The following CD28 variants were observed in gnomAD, a reference collection of about 807,000 sequenced individuals.
CD28 encodes T-cell-specific surface glycoprotein CD28.
Under a neutral mutation model 21.4 loss-of-function variants are expected in CD28, and 8 were observed. The ratio of observed to expected loss-of-function variants is 0.37; its 90% CI spans 0.22 to 0.68. CD28 has a LOEUF of 0.68. Among genes scored for constraint, CD28 ranks in the 30% least tolerant of loss-of-function variants. The probability of loss-of-function intolerance (pLI) is 0.55; values close to 1 mark genes in which losing one functional copy is unlikely to be tolerated. For missense variants in CD28, 239 were observed against 272.2 expected, an observed-to-expected ratio of 0.88 and a Z score of 0.86; for synonymous variants, 106 against 104.0, an observed-to-expected ratio of 1.02 and a Z score of -0.12.
intron 1 of CD28, among the ~76,000 whole-genome samples, chr2:203,709,366 A>G (rs1693252664): frequency 6.6e-6 from 1 of 152,142 alleles, no homozygotes; most frequent in Non-Finnish European, 1.5e-5. Context: ...ATGTGTGTGT[A>G]TGTATGTATA....
chr2:203,724,745 C>T (rs532918880), intron 1 of CD28, among the ~76,000 whole-genome samples: 9 of 152,150 alleles, frequency 5.9e-5, no homozygotes, highest in Non-Finnish European at 8.8e-5. Flanking sequence ...ATGCCATTTC[C>T]TTCTTACCAA....
intron 2 of CD28, among the ~76,000 whole-genome samples, chr2:203,728,090 G>A (rs10182554): frequency 0.92 from 139,348 of 152,036 alleles, 63,924 homozygotes; most frequent in East Asian, 0.99. Context: ...GATTACAGGC[G>A]TAAGCCACCG....
Position 203,738,730 on chromosome 2 carries a change from C to G in CD28, c.*3818C>G, listed in dbSNP as rs1052633268. 7.9e-5 allele frequency: 12 copies of G among 152,172 alleles called. No homozygotes were observed. The highest frequency in any genetic ancestry group is 2.9e-4 in the African/African-American group (12 of 41,444). 9.4% of individuals were successfully genotyped at this position (152,172 alleles called of 1,614,324 possible). A position where few individuals can be genotyped will look rare whatever the true frequency, so the allele number is the denominator to read the frequency against. On this transcript the variant is annotated 3_prime_UTR_variant, in exon 4 of 4. Coordinates refer to ENST00000324106, the MANE Select transcript of CD28 (RefSeq NM_006139.4). ...CTCCCCTAGTTAAACTACCCCACAC[C>G]CTGTCTGCTTTCCTTGCTTATTTTT...
chr2:203,711,438 C>T (rs184425648), intron 1 of CD28, among the ~76,000 whole-genome samples: 6 of 152,316 alleles, frequency 3.9e-5, no homozygotes, highest in African/African-American at 9.6e-5. Flanking sequence ...GTTATATGTG[C>T]TTCTGTTTTC....
In CD28 at chr2:203,738,415, A is replaced by G. The variant is rs1028933306; in HGVS notation, c.*3503A>G. ...ACCCAGAACCAGGATCTTGATTGCTATAGACTTATTAATAATCCAGGTCAA... is the reference window on the plus strand; with the variant it reads ...ACCCAGAACCAGGATCTTGATTGCTGTAGACTTATTAATAATCCAGGTCAA... On this transcript the variant is annotated 3_prime_UTR_variant, in exon 4 of 4. Coordinates refer to ENST00000324106, the MANE Select transcript of CD28 (RefSeq NM_006139.4). 2.8e-4 allele frequency: 43 copies of G among 152,214 alleles called. No individual in the cohort carries two copies. Among genetic ancestry groups the G allele is most frequent in the African/African-American group, 1.0e-3 (42 of 41,452 alleles). The allele number at this position is 152,214 out of a possible 1,614,324, so 9.4% of individuals were successfully genotyped here.
In CD28 at chr2:203,726,628, C is replaced by A; in HGVS notation, c.53-5C>A. 6.3e-7 allele frequency: 1 copy of A among 1,582,802 alleles called. No individual in the cohort carries two copies. Among genetic ancestry groups the A allele is most frequent in the South Asian group, 1.1e-5 (1 of 87,216 alleles). On this transcript the variant is annotated splice_region_variant and splice_polypyrimidine_tract_variant and intron_variant, in intron 1 of 3. Coordinates refer to ENST00000324106, the MANE Select transcript of CD28 (RefSeq NM_006139.4). ...TTCTAAGCAAATGATTTTTTTTTCC[C>A]CCAGGAAACAAGATTTTGGTGAAGC...
Position 203,731,782 on chromosome 2 carries a change from T to C in CD28, c.534+2010T>C, listed in dbSNP as rs3769687. 9.5e-3 allele frequency among the ~76,000 whole-genome samples: 1,454 copies of C among 152,316 alleles called. 11 individuals are homozygous for C. The highest frequency in any genetic ancestry group is 0.04 in the East Asian group (210 of 5,186). On this transcript the variant is annotated intron_variant, in intron 3 of 3. Coordinates refer to ENST00000324106, the MANE Select transcript of CD28 (RefSeq NM_006139.4). ...GGTTTTTCCTTGGCAGTACTACTAA[T>C]TCCTAGTGAGATTCATCTTGCTTTG...
chr2:203,735,445 T>A lies in CD28; in HGVS notation c.*533T>A, dbSNP rs1289160727. 6.5e-6 allele frequency: 1 copy of A among 153,716 alleles called. No homozygotes were observed. Among genetic ancestry groups the A allele is most frequent in the Non-Finnish European group, 1.5e-5 (1 of 68,854 alleles). The allele number at this position is 153,716 out of a possible 1,614,324, so 9.5% of individuals were successfully genotyped here. A position where few individuals can be genotyped will look rare whatever the true frequency, so the allele number is the denominator to read the frequency against. On this transcript the variant is annotated 3_prime_UTR_variant, in exon 4 of 4. Coordinates refer to ENST00000324106, the MANE Select transcript of CD28 (RefSeq NM_006139.4). Reference sequence around the variant, plus strand: ...TCTCCCACTCATGAAATGAGCCACGTAGTTCCTATTTAATGCTGTTTTCCT... The same window carrying A: ...TCTCCCACTCATGAAATGAGCCACGAAGTTCCTATTTAATGCTGTTTTCCT...
chr2:203,706,561 A>G, upstream of CD28: 1 of 1,576,898 alleles, frequency 6.3e-7, no homozygotes, highest in Non-Finnish European at 8.6e-7. Context: ...ATGTGCCCTA[A>G]GGGGATGGTG....
intron 3 of CD28, among the ~76,000 whole-genome samples, chr2:203,734,420 A>G (rs1361353279): frequency 6.6e-6 from 1 of 152,228 alleles, no homozygotes; most frequent in African/African-American, 2.4e-5. Context: ...GCAAATGCTA[A>G]TGTAAGAAGA....
intron 3 of CD28, among the ~76,000 whole-genome samples, chr2:203,731,478 C>A (rs1314425791): frequency 1.3e-5 from 2 of 152,162 alleles, no homozygotes; most frequent in African/African-American, 4.8e-5. Flanking sequence ...CTTTGGATAC[C>A]CCTCCAGGAA....
chr2:203,706,676 T>C lies in CD28; in HGVS notation c.-21T>C. On this transcript the variant is annotated 5_prime_UTR_variant, in exon 1 of 4. Coordinates refer to ENST00000324106, the MANE Select transcript of CD28 (RefSeq NM_006139.4). ...CCTCGGGGAGGAGGGGCTGGAACCC[T>C]AGCCCATCGTCAGGACAAAGATGCT... 2 of 1,614,054 alleles carry C rather than the reference T, an allele frequency of 1.2e-6. No homozygotes were observed. Among genetic ancestry groups the C allele is most frequent in the African/African-American group, 2.7e-5 (2 of 75,048 alleles).
Position 203,726,745 on chromosome 2 carries a change from T to C in CD28, c.165T>C (p.Leu55=). 1 of 1,614,148 alleles carries C rather than the reference T, an allele frequency of 6.2e-7. No homozygotes were observed. The highest frequency in any genetic ancestry group is 8.5e-7 in the Non-Finnish European group (1 of 1,180,016). ...NLFSREFRAS[L]HKGLDSAVEV... ...TCTCAAGGGAGTTCCGGGCATCCCT[T>C]CACAAAGGACTGGATAGTGCTGTGG... The change falls in exon 2 of 4, where the codon CTT becomes CTC. Residue 55 remains leucine, a synonymous_variant. Transcript: ENST00000324106.
At chr2:203,728,898 G>A (rs1241840752) in intron 2 of CD28, among the ~76,000 whole-genome samples, 1 of 152,070 alleles carries the variant, frequency 6.6e-6, no homozygotes, top group East Asian at 1.9e-4. Flanking sequence ...ATCTGAGTAG[G>A]TTTTAAAAGA....
intron 1 of CD28, among the ~76,000 whole-genome samples, chr2:203,721,806 G>C (rs1399775718): frequency 6.6e-6 from 1 of 152,126 alleles, no homozygotes; most frequent in Non-Finnish European, 1.5e-5. Context: ...GACGGGAATT[G>C]AGTGGCATTC....
At chr2:203,721,253 C>T (rs1693598148) in intron 1 of CD28, among the ~76,000 whole-genome samples, 1 of 152,166 alleles carries the variant, frequency 6.6e-6, no homozygotes, top group African/African-American at 2.4e-5. Context: ...ATGGCCTTAT[C>T]GAAAACAAAT....
chr2:203,726,669 T>C lies in CD28; in HGVS notation c.89T>C (p.Val30Ala). ...KILVKQSPMLVAYDNAVNLSC... is the reference protein window; with the variant it reads ...KILVKQSPMLAAYDNAVNLSC... ...TTGGTGAAGCAGTCGCCCATGCTTG[T>C]AGCGTACGACAATGCGGTCAACCTT... Residue 30 changes from valine (V) to alanine (A), a missense_variant, in exon 2 of 4, where the codon GTA becomes GCA. This residue lies in a region of CD28 where 104 missense variants were observed against 108.5 expected (regional missense o/e 0.96). Coordinates refer to ENST00000324106, the MANE Select transcript of CD28 (RefSeq NM_006139.4). The C allele has an allele frequency of 6.2e-7, 1 of 1,613,944 alleles. No individual in the cohort carries two copies. The highest frequency in any genetic ancestry group is 8.5e-7 in the Non-Finnish European group (1 of 1,179,854).
chr2:203,735,014 G>A lies in CD28; in HGVS notation c.*102G>A, dbSNP rs960188485. 4.1e-6 allele frequency: 6 copies of A among 1,447,094 alleles called. No individual in the cohort carries two copies. In the African/African-American group the frequency reaches 7.1e-5, roughly 17 times the overall value. The allele number at this position is 1,447,094 out of a possible 1,614,324, so 89.6% of individuals were successfully genotyped here. ...CGCCATCTCCAGCCGGCCACCTCAG[G>A]CCCCTGTTGGGCCACCAATGCCAAT... On this transcript the variant is annotated 3_prime_UTR_variant, in exon 4 of 4. Transcript: ENST00000324106.
At chr2:203,725,258 C>T (rs1440119886) in intron 1 of CD28, among the ~76,000 whole-genome samples, 2 of 150,632 alleles carry the variant, frequency 1.3e-5, no homozygotes, top group Non-Finnish European at 2.9e-5. Flanking sequence ...CCATTGCACT[C>T]CAGCCTGGGC....
Sources: gnomAD v4.1 joint callset for allele counts (sites outside exome capture counted in the v4.1 genomes callset) on GRCh38, gnomAD v4.1.1 for gene constraint, gnomAD v4.1.1 regional missense constraint, MANE v1.5 for transcripts, NCBI Gene and HGNC (gene_info 2026-07-23, HGNC 2026-07-21) for gene names.